The following EYS variants were observed in gnomAD, a reference collection of about 807,000 sequenced individuals.
EYS encodes the protein protein eyes shut homolog.
A neutral mutation model predicts 282.1 loss-of-function variants in EYS; 250 were observed. The observed-to-expected ratio is 0.89, with a 90% confidence interval of 0.80 to 0.98. EYS has a LOEUF of 0.98. Ranked by LOEUF, EYS falls within the 50% of genes least tolerant of loss-of-function variation. EYS has a pLI of 0.00. For missense variants in EYS, 4,016 were observed against 3,709.0 expected, an observed-to-expected ratio of 1.08 and a Z score of -2.15; for synonymous variants, 1,355 against 1,282.9, an observed-to-expected ratio of 1.06 and a Z score of -1.20.
intron 2 of EYS, among the ~76,000 whole-genome samples, chr6:65,512,305 A>G (rs1346379679): frequency 1.3e-5 from 2 of 151,942 alleles, no homozygotes; most frequent in Non-Finnish European, 1.5e-5. Context: ...ATCCTAATTA[A>G]CACGGTGAAA....
intron 22 of EYS, among the ~76,000 whole-genome samples, chr6:64,697,046 A>G (rs1378502705): frequency 6.6e-6 from 1 of 152,194 alleles, no homozygotes; most frequent in Non-Finnish European, 1.5e-5. Flanking sequence ...TACAACAGGA[A>G]CAAATCCTGT....
chr6:65,065,548 A>T (rs1235461762), intron 12 of EYS, among the ~76,000 whole-genome samples: 1 of 145,834 alleles, frequency 6.9e-6, no homozygotes, highest in South Asian at 2.2e-4. Flanking sequence ...ACGCCTGGCT[A>T]TTTTTTTTTT....
chr6:64,457,637 G>T (rs1043371576), intron 26 of EYS, among the ~76,000 whole-genome samples: 1 of 151,810 alleles, frequency 6.6e-6, no homozygotes, highest in Non-Finnish European at 1.5e-5. Context: ...CGTCATTTTT[G>T]AATTAAAATC....
At chr6:65,498,005 T>G in intron 2 of EYS, among the ~76,000 whole-genome samples, 1 of 152,004 alleles carries the variant, frequency 6.6e-6, no homozygotes, top group East Asian at 1.9e-4. Flanking sequence ...TAATGAAGAC[T>G]AATTAGTACA....
intron 35 of EYS, among the ~76,000 whole-genome samples, chr6:63,943,161 A>T (rs1765293499): frequency 6.6e-6 from 1 of 152,206 alleles, no homozygotes; most frequent in Non-Finnish European, 1.5e-5. Context: ...TGTGTTGTTC[A>T]GGTGTCAACT....
intron 2 of EYS, among the ~76,000 whole-genome samples, chr6:65,516,593 C>T (rs1389896406): frequency 1.3e-5 from 2 of 152,106 alleles, no homozygotes; most frequent in Middle Eastern, 3.4e-3. Context: ...GATGTCAGGG[C>T]AAGAGTTACA....
intron 15 of EYS, among the ~76,000 whole-genome samples, chr6:64,943,190 C>G (rs960383424): frequency 1.3e-5 from 2 of 151,960 alleles, no homozygotes; most frequent in Non-Finnish European, 2.9e-5. Flanking sequence ...GACTAGGTAT[C>G]TAAGAAACAT....
At chr6:65,064,132 ATAT>A (rs535014014) in intron 12 of EYS, among the ~76,000 whole-genome samples, 11 of 145,100 alleles carry the variant, frequency 7.6e-5, no homozygotes, top group African/African-American at 2.8e-4. Flanking sequence ...TATATATTGC[ATAT>A]TATAAGTATA....
chr6:63,980,971 G>A (rs1432014309), intron 35 of EYS, among the ~76,000 whole-genome samples: 7 of 151,874 alleles, frequency 4.6e-5, no homozygotes, highest in Admixed American at 2.0e-4. Flanking sequence ...GAATCAGAAT[G>A]AGGCTCACTC....
intron 12 of EYS, among the ~76,000 whole-genome samples, chr6:65,249,801 G>A (rs533527336): frequency 6.6e-6 from 1 of 152,048 alleles, no homozygotes; most frequent in South Asian, 2.1e-4. Flanking sequence ...ATAAAAGATT[G>A]CCCACAGGAG....
At chr6:64,316,573 C>A (rs1384572206) in intron 29 of EYS, among the ~76,000 whole-genome samples, 2 of 152,060 alleles carry the variant, frequency 1.3e-5, no homozygotes, top group Non-Finnish European at 2.9e-5. Flanking sequence ...AGGACACAAA[C>A]AAATGGAAAA....
At chr6:64,257,592 A>G (rs1767441613) in intron 30 of EYS, among the ~76,000 whole-genome samples, 1 of 152,042 alleles carries the variant, frequency 6.6e-6, no homozygotes, top group South Asian at 2.1e-4. Context: ...TATCTCCAGT[A>G]TAAAGTGATA....
In EYS at chr6:65,459,073, A is replaced by G. The variant is rs571862569; in HGVS notation, c.862+31521T>C. Among the ~76,000 whole-genome samples the G allele has an allele frequency of 2.6e-5, 4 of 152,250 alleles. No homozygotes were observed. The South Asian group carries it at 8.3e-4, about 32-fold the overall frequency. On this transcript the variant is annotated intron_variant, in intron 5 of 42. Coordinates refer to ENST00000503581, the MANE Select transcript of EYS (RefSeq NM_001142800.2). The stretch of plus-strand genomic sequence containing the variant: ...ATGCTTTTATATTTTCCTTACGAAA[A>G]TCAGAGAAAAACACTTTTGCTATGA...
intron 5 of EYS, among the ~76,000 whole-genome samples, chr6:65,463,240 CT>C (rs1254039148): frequency 6.6e-6 from 1 of 152,108 alleles, no homozygotes; most frequent in African/African-American, 2.4e-5. Flanking sequence ...AATTGCACCC[CT>C]GACACACTCC....
chr6:64,589,163 C>T (rs17217945), intron 26 of EYS, among the ~76,000 whole-genome samples: 95 of 151,890 alleles, frequency 6.3e-4, no homozygotes, highest in African/African-American at 1.7e-3. Context: ...AGTACAAGGA[C>T]AATACCACAT....
chr6:65,342,466 T>C (rs1194082040), intron 10 of EYS, among the ~76,000 whole-genome samples: 1 of 150,846 alleles, frequency 6.6e-6, no homozygotes, highest in Non-Finnish European at 1.5e-5. Flanking sequence ...TCTAAATATT[T>C]AGTCAACATT....
chr6:65,216,700 T>C (rs1190693881), intron 12 of EYS, among the ~76,000 whole-genome samples: 1 of 151,728 alleles, frequency 6.6e-6, no homozygotes, highest in African/African-American at 2.4e-5. Context: ...AATGATGTGA[T>C]CAGTCATCAA....
At chr6:64,967,390 T>A (rs749664098) in intron 14 of EYS, among the ~76,000 whole-genome samples, 10 of 151,998 alleles carry the variant, frequency 6.6e-5, no homozygotes, top group South Asian at 4.2e-4. Context: ...AGTGGCATGA[T>A]CTTGGCTCAC....
intron 12 of EYS, among the ~76,000 whole-genome samples, chr6:65,274,446 T>C (rs1767987945): frequency 6.6e-6 from 1 of 152,200 alleles, no homozygotes; most frequent in Non-Finnish European, 1.5e-5. Flanking sequence ...GTAGCTTTAT[T>C]GCTTGAGCAA....
Sources: gnomAD v4.1 joint callset for allele counts (sites outside exome capture counted in the v4.1 genomes callset) on GRCh38, gnomAD v4.1.1 for gene constraint, MANE v1.5 for transcripts, NCBI Gene and HGNC (gene_info 2026-07-23, HGNC 2026-07-21) for gene names.